Variants in SYNDIG1 observed in about 807,000 individuals in gnomAD.
The protein encoded by SYNDIG1 is synapse differentiation inducing 1, also known as synapse differentiation-inducing gene protein 1.
Under a neutral mutation model 19.4 loss-of-function variants are expected in SYNDIG1, and 9 were observed. The observed-to-expected ratio is 0.46, with a 90% CI of 0.28 to 0.81. The LOEUF is 0.81. SYNDIG1 is among the 30% of genes least tolerant of loss of function. The pLI, the probability that SYNDIG1 is intolerant of heterozygous loss-of-function variation, is 0.12. For synonymous variants in SYNDIG1, 141 were observed against 145.9 expected (o/e 0.97, Z 0.24); for missense variants, 311 against 343.3 (o/e 0.91, Z 0.74).
At chr20:24,619,360 G>T (rs1568690252) in intron 3 of SYNDIG1, among the ~76,000 whole-genome samples, 1 of 152,240 alleles carries the variant, frequency 6.6e-6, no homozygotes, top group East Asian at 1.9e-4. Flanking sequence ...ATTCCTCCTG[G>T]GCCCACTGGT....
At chr20:24,614,232 G>C (rs1205750074) in intron 3 of SYNDIG1, among the ~76,000 whole-genome samples, 1 of 152,092 alleles carries the variant, frequency 6.6e-6, no homozygotes, top group Non-Finnish European at 1.5e-5. Flanking sequence ...TTGAACTCTT[G>C]GGCTTAAATG....
intron 3 of SYNDIG1, among the ~76,000 whole-genome samples, chr20:24,645,560 G>A (rs939704386): frequency 2.0e-5 from 3 of 152,144 alleles, no homozygotes; most frequent in Non-Finnish European, 4.4e-5. Flanking sequence ...GGGAAGTGAG[G>A]GGGGAAGACT....
intron 2 of SYNDIG1, among the ~76,000 whole-genome samples, chr20:24,567,920 G>A (rs1399280756): frequency 1.3e-5 from 2 of 152,216 alleles, no homozygotes; most frequent in East Asian, 1.9e-4. Flanking sequence ...GATCATCTGA[G>A]GTTAGGGGTT....
intron 1 of SYNDIG1, among the ~76,000 whole-genome samples, chr20:24,539,689 G>A (rs1452278357): frequency 1.3e-5 from 2 of 152,200 alleles, no homozygotes; most frequent in Non-Finnish European, 2.9e-5. Context: ...TCCTAGCAAT[G>A]TTAAGGTTCC....
chr20:24,619,379 T>C (rs1161812183), intron 3 of SYNDIG1, among the ~76,000 whole-genome samples: 2 of 152,218 alleles, frequency 1.3e-5, no homozygotes, highest in African/African-American at 4.8e-5. Context: ...GTCATTGTCA[T>C]CATCAAGTCT....
chr20:24,627,095 G>C (rs996220711), intron 3 of SYNDIG1, among the ~76,000 whole-genome samples: 1 of 151,558 alleles, frequency 6.6e-6, no homozygotes, highest in Non-Finnish European at 1.5e-5. Flanking sequence ...ACCGTGGGGA[G>C]AGGGGGACCG....
intron 1 of SYNDIG1, among the ~76,000 whole-genome samples, chr20:24,476,699 A>C (rs1278324282): frequency 2.0e-5 from 3 of 152,014 alleles, no homozygotes; most frequent in Non-Finnish European, 4.4e-5. Flanking sequence ...AACAAAAAAA[A>C]CAAAAAAAAA....
At chr20:24,526,274 CT>C (rs1025672538) in intron 1 of SYNDIG1, among the ~76,000 whole-genome samples, 9 of 151,042 alleles carry the variant, frequency 6.0e-5, no homozygotes, top group East Asian at 1.9e-4. Flanking sequence ...ATTTGGCCAA[CT>C]TTTTTTTTAT....
chr20:24,491,166 A>G (rs1037558146), intron 1 of SYNDIG1, among the ~76,000 whole-genome samples: 1 of 152,236 alleles, frequency 6.6e-6, no homozygotes, highest in African/African-American at 2.4e-5. Context: ...CTCAGTCCTT[A>G]AGATGCTAAC....
intron 1 of SYNDIG1, chr20:24,495,284 C>T (rs932695570): frequency 2.0e-5 from 3 of 152,270 alleles, no homozygotes; most frequent in Non-Finnish European, 2.9e-5. Context: ...TTCTGACCTG[C>T]CCTCTAGTCT....
intron 3 of SYNDIG1, among the ~76,000 whole-genome samples, chr20:24,603,865 G>A (rs1484788680): frequency 6.6e-6 from 1 of 152,178 alleles, no homozygotes; most frequent in Admixed American, 6.5e-5. Flanking sequence ...AAGAATATCT[G>A]AAAGAATGCC....
At chr20:24,487,394 G>A (rs1254836782) in intron 1 of SYNDIG1, among the ~76,000 whole-genome samples, 1 of 152,110 alleles carries the variant, frequency 6.6e-6, no homozygotes, top group Non-Finnish European at 1.5e-5. Flanking sequence ...CACAGCAAGA[G>A]CCCAGGTTCA....
intron 3 of SYNDIG1, among the ~76,000 whole-genome samples, chr20:24,649,456 G>T (rs1374444337): frequency 6.6e-6 from 1 of 152,090 alleles, no homozygotes; most frequent in Non-Finnish European, 1.5e-5. Context: ...TTCTCAGCGG[G>T]GCTCTTGCAC....
intron 2 of SYNDIG1, among the ~76,000 whole-genome samples, chr20:24,564,285 T>C (rs566243489): frequency 6.6e-6 from 1 of 152,360 alleles, no homozygotes; most frequent in Non-Finnish European, 1.5e-5. Flanking sequence ...ACAGTTCAGA[T>C]ATGTATTAAT....
chr20:24,528,592 T>G (rs6049759), intron 1 of SYNDIG1, among the ~76,000 whole-genome samples: 116,051 of 152,048 alleles, frequency 0.76, 44,750 homozygotes, highest in African/African-American at 0.88. Flanking sequence ...TGGCAGAAGC[T>G]CAAGAAGGGG....
chr20:24,481,020 G>A (rs11908507), intron 1 of SYNDIG1, among the ~76,000 whole-genome samples: 12,653 of 152,196 alleles, frequency 0.083, 1,277 homozygotes, highest in African/African-American at 0.24. Context: ...GCATACGTGC[G>A]AGATGAAAAA....
chr20:24,472,175 A>G (rs1228173876), intron 1 of SYNDIG1, among the ~76,000 whole-genome samples: 4 of 152,170 alleles, frequency 2.6e-5, no homozygotes, highest in African/African-American at 9.7e-5. Flanking sequence ...TAGGGTAGAA[A>G]AGGAAAACCT....
chr20:24,481,090 G>A (rs563540358), intron 1 of SYNDIG1, among the ~76,000 whole-genome samples: 12 of 152,072 alleles, frequency 7.9e-5, no homozygotes, highest in African/African-American at 2.2e-4. Context: ...AAATGGTTAC[G>A]ATTATGTAAA....
At chr20:24,479,852 G>A (rs1345305046) in intron 1 of SYNDIG1, among the ~76,000 whole-genome samples, 2 of 152,086 alleles carry the variant, frequency 1.3e-5, no homozygotes, top group Non-Finnish European at 2.9e-5. Flanking sequence ...AAAGATACAA[G>A]GCAAGGCTGT....
Sources: gnomAD v4.1 joint callset for allele counts (sites outside exome capture counted in the v4.1 genomes callset) on GRCh38, gnomAD v4.1.1 for gene constraint, MANE v1.5 for transcripts, NCBI Gene and HGNC (gene_info 2026-07-23, HGNC 2026-07-21) for gene names.